Variants in EYS observed in about 807,000 individuals in gnomAD.
EYS encodes protein eyes shut homolog.
A neutral mutation model predicts 282.1 loss-of-function variants in EYS; 250 were observed. The ratio of observed to expected loss-of-function variants is 0.89; its 90% CI spans 0.80 to 0.98. The LOEUF is 0.98. Among genes scored for constraint, EYS ranks in the 50% least tolerant of loss-of-function variants. The pLI is 0.00. For missense variants in EYS, 4,016 were observed against 3,709.0 expected, an observed-to-expected ratio of 1.08 and a Z score of -2.15; for synonymous variants, 1,355 against 1,282.9, an observed-to-expected ratio of 1.06 and a Z score of -1.20.
rs76561278 is a variant in EYS, at chr6:65,377,834, G to T, written c.1299+6552C>A. 2.7e-3 allele frequency among the ~76,000 whole-genome samples: 412 copies of T among 152,076 alleles called. 4 individuals are homozygous for T. The highest frequency in any genetic ancestry group is 9.5e-3 in the African/African-American group (396 of 41,520). ...GACATATACATCCTCCCAGGAGGAA[G>T]AAAATCCGTAACTAAACCACGAAGA... is the stretch of plus-strand genomic sequence containing the variant. On this transcript the variant is annotated intron_variant, in intron 8 of 42. Coordinates refer to ENST00000503581, the MANE Select transcript of EYS (RefSeq NM_001142800.2).
At chr6:64,372,965 C>T (rs994773092) in intron 29 of EYS, among the ~76,000 whole-genome samples, 2 of 152,106 alleles carry the variant, frequency 1.3e-5, no homozygotes, top group Non-Finnish European at 1.5e-5. Flanking sequence ...AGCTCCTATA[C>T]TGTTTTATTG....
chr6:65,408,211 T>C (rs944074163), intron 5 of EYS, among the ~76,000 whole-genome samples: 17 of 152,112 alleles, frequency 1.1e-4, no homozygotes, highest in African/African-American at 4.1e-4. Flanking sequence ...TTGGTGGAGA[T>C]TTTCTATCTT....
intron 22 of EYS, among the ~76,000 whole-genome samples, chr6:64,719,626 A>G (rs549284261): frequency 6.6e-6 from 1 of 152,204 alleles, no homozygotes; most frequent in East Asian, 1.9e-4. Flanking sequence ...CTTTCTTTAT[A>G]TGTCGCTAAA....
Position 64,861,322 on chromosome 6 carries a change from T to G in EYS, c.2992+25375A>C, listed in dbSNP as rs1033419512. 2.6e-5 allele frequency among the ~76,000 whole-genome samples: 4 copies of G among 152,328 alleles called. No individual in the cohort carries two copies. In the South Asian group the frequency reaches 8.3e-4, roughly 32 times the overall value. On this transcript the variant is annotated intron_variant, in intron 19 of 42. Transcript: ENST00000503581. ...AGCTGGGTTGCAACAGCACACGGGC[T>G]TGGCCTCAACTCAACTCTGCTCACT...
intron 33 of EYS, among the ~76,000 whole-genome samples, chr6:64,040,134 C>G (rs573651330): frequency 6.6e-6 from 1 of 152,224 alleles, no homozygotes; most frequent in South Asian, 2.1e-4. Flanking sequence ...GTAGAGGTAT[C>G]CTTTTAAAAT....
intron 28 of EYS, among the ~76,000 whole-genome samples, chr6:64,389,173 A>C (rs73764426): frequency 0.038 from 5,797 of 152,268 alleles, 359 homozygotes; most frequent in African/African-American, 0.13. Flanking sequence ...TTTCTGTATG[A>C]GTGAAAAATA....
intron 31 of EYS, among the ~76,000 whole-genome samples, chr6:64,182,581 G>T (rs931348749): frequency 6.6e-6 from 1 of 152,070 alleles, no homozygotes; most frequent in Non-Finnish European, 1.5e-5. Flanking sequence ...TAGAATGAAA[G>T]TCATTTATCA....
chr6:65,613,817 T>A (rs181907291), intron 2 of EYS, among the ~76,000 whole-genome samples: 1 of 152,076 alleles, frequency 6.6e-6, no homozygotes, highest in East Asian at 1.9e-4. Flanking sequence ...TATGTTTTCA[T>A]TTGTAATATG....
chr6:64,633,235 T>C (rs1467622354), intron 22 of EYS, among the ~76,000 whole-genome samples: 1 of 152,174 alleles, frequency 6.6e-6, no homozygotes, highest in Non-Finnish European at 1.5e-5. Context: ...CTGTTGAAAT[T>C]GTATGTAGAC....
At chr6:65,240,317 A>G (rs1315472702) in intron 12 of EYS, among the ~76,000 whole-genome samples, 1 of 151,934 alleles carries the variant, frequency 6.6e-6, no homozygotes, top group Non-Finnish European at 1.5e-5. Context: ...GTACACTTGC[A>G]GGTTTGTTAC....
chr6:64,280,947 G>A (rs902174907), intron 30 of EYS, among the ~76,000 whole-genome samples: 6 of 152,078 alleles, frequency 3.9e-5, no homozygotes, highest in African/African-American at 1.4e-4. Context: ...TTTTGGAAAT[G>A]AATGTTTCCT....
intron 12 of EYS, among the ~76,000 whole-genome samples, chr6:65,148,242 G>A (rs916002710): frequency 6.6e-5 from 10 of 152,130 alleles, no homozygotes; most frequent in Non-Finnish European, 1.2e-4. Context: ...TTCTGCCTAT[G>A]AGCCTGTAAA....
intron 35 of EYS, among the ~76,000 whole-genome samples, chr6:63,889,650 C>T (rs1045621508): frequency 4.0e-5 from 6 of 151,392 alleles, no homozygotes; most frequent in South Asian, 4.2e-4. Flanking sequence ...AAAACTGGTA[C>T]GAGCCACAGC....
intron 14 of EYS, among the ~76,000 whole-genome samples, chr6:64,961,268 T>G (rs1033058674): frequency 6.6e-6 from 1 of 152,176 alleles, no homozygotes; most frequent in African/African-American, 2.4e-5. Context: ...ACTTTGATTA[T>G]GGAATGTAGC....
intron 8 of EYS, among the ~76,000 whole-genome samples, chr6:65,379,756 A>G (rs1319072457): frequency 6.6e-6 from 1 of 152,034 alleles, no homozygotes; most frequent in African/African-American, 2.4e-5. Flanking sequence ...GCTGATATGC[A>G]ACTTCAGCAA....
chr6:65,563,744 A>C (rs143362603), intron 2 of EYS, among the ~76,000 whole-genome samples: 2 of 152,248 alleles, frequency 1.3e-5, no homozygotes, highest in Non-Finnish European at 2.9e-5. Context: ...GTAGGGCAGG[A>C]TAGTGCCCCA....
chr6:64,146,199 C>A (rs563822723), intron 31 of EYS, among the ~76,000 whole-genome samples: 3 of 152,042 alleles, frequency 2.0e-5, no homozygotes, highest in Non-Finnish European at 2.9e-5. Context: ...TTAGCTATTT[C>A]TAGCTATCCT....
chr6:64,436,370 T>C, intron 27 of EYS, 105 bp from the exon 28 acceptor site: 1 of 631,332 alleles, frequency 1.6e-6, no homozygotes, highest in Non-Finnish European at 2.8e-6. Flanking sequence ...TACATCACTT[T>C]GGAGAGACAT....
intron 7 of EYS, among the ~76,000 whole-genome samples, chr6:65,390,709 C>T (rs1017492908): frequency 6.6e-6 from 1 of 151,718 alleles, no homozygotes; most frequent in South Asian, 2.1e-4. Context: ...CATAGTAAGA[C>T]CCCATATCCA....
Sources: allele counts gnomAD v4.1 joint callset (sites outside exome capture counted in the v4.1 genomes callset), GRCh38; gene constraint gnomAD v4.1.1; transcripts MANE v1.5; gene names NCBI Gene and HGNC (gene_info 2026-07-23, HGNC 2026-07-21).